Variants in ZNF805 observed in about 807,000 individuals in gnomAD.
ZNF805 encodes the protein zinc finger protein 805.
ZNF805 carries 7 observed loss-of-function variants against 13.6 expected under a neutral mutation model. The observed-to-expected ratio is 0.51, with a 90% CI of 0.29 to 0.97. The LOEUF (loss-of-function observed/expected upper bound fraction) is 0.97, where lower values mean the gene tolerates loss of function less well. Ranked by LOEUF, ZNF805 falls within the 50% of genes least tolerant of loss-of-function variation. ZNF805 has a pLI of 0.08. For missense variants in ZNF805, 604 were observed against 771.0 expected, an observed-to-expected ratio of 0.78 and a Z score of 2.57; for synonymous variants, 293 against 279.8, an observed-to-expected ratio of 1.05 and a Z score of -0.47.
At chr19:57,250,949 C>A (rs112437904) in intron 3 of ZNF805, among the ~76,000 whole-genome samples, 1 of 152,084 alleles carries the variant, frequency 6.6e-6, no homozygotes, top group Admixed American at 6.6e-5. Flanking sequence ...TTTCTGTACT[C>A]AACATAAAAA....
chr19:57,245,511 A>G (rs144301728), intron 2 of ZNF805, among the ~76,000 whole-genome samples: 1,604 of 152,204 alleles, frequency 0.011, 28 homozygotes, highest in African/African-American at 0.035. Context: ...CAGGTGCGAT[A>G]GCTCATGCCT....
In ZNF805 at chr19:57,261,793, C is replaced by G. The variant is rs991762648; in HGVS notation, c.*7090C>G. On this transcript the variant is annotated 3_prime_UTR_variant, in exon 4 of 4. Coordinates refer to ENST00000414468, the MANE Select transcript of ZNF805 (RefSeq NM_001023563.4). ...TCACAGGACTCAGCATTTTGTCATA[C>G]TCAATGGCTATGATTTACCACACCG... The G allele has an allele frequency of 6.0e-6, 1 of 167,036 alleles. No homozygotes were observed. The highest frequency in any genetic ancestry group is 2.4e-5 in the African/African-American group (1 of 41,448). 10.3% of individuals were successfully genotyped at this position (167,036 alleles called of 1,614,324 possible).
intron 1 of ZNF805, among the ~76,000 whole-genome samples, chr19:57,243,223 A>G (rs1003403046): frequency 6.6e-6 from 1 of 152,162 alleles, no homozygotes; most frequent in African/African-American, 2.4e-5. Context: ...CTCTGAAACA[A>G]ACAAACAGAA....
rs897184018 is a variant in ZNF805, at chr19:57,262,175, A to G, written c.*7472A>G. 1 of 167,078 alleles carries G rather than the reference A, an allele frequency of 6.0e-6. No individual in the cohort carries two copies. Among genetic ancestry groups the G allele is most frequent in the African/African-American group, 2.4e-5 (1 of 41,454 alleles). The allele number at this position is 167,078 out of a possible 1,614,324, so 10.3% of individuals were successfully genotyped here. Reference sequence around the variant, plus strand: ...AGCCAAGGATGAACCTTGCAAGATCAAAGAATAGCAGTCTCTGGCCTGCTC... The same window carrying G: ...AGCCAAGGATGAACCTTGCAAGATCGAAGAATAGCAGTCTCTGGCCTGCTC... On this transcript the variant is annotated 3_prime_UTR_variant, in exon 4 of 4. Coordinates refer to ENST00000414468, the MANE Select transcript of ZNF805 (RefSeq NM_001023563.4).
Position 57,253,343 on chromosome 19 carries a change from G to A in ZNF805, c.524G>A (p.Arg175Gln), listed in dbSNP as rs762501253. The A allele has an allele frequency of 7.6e-6, 12 of 1,571,486 alleles. No homozygotes were observed. The highest frequency in any genetic ancestry group is 5.6e-5 in the Admixed American group (3 of 53,502). ...DSVCSRIIQD[R>Q]VSLGDDVHDC... ...GTGTGTTCAAGGATTATACAGGATCGAGTCTCCTTAGGAGATGATGTCCAT... is the reference window on the plus strand; with the variant it reads ...GTGTGTTCAAGGATTATACAGGATCAAGTCTCCTTAGGAGATGATGTCCAT... Residue 175 changes from arginine (R) to glutamine (Q), a missense_variant, in exon 4 of 4, where the codon CGA becomes CAA. By Grantham distance (43) the Arg-to-Gln change is conservative (BLOSUM62 1). Transcript: ENST00000414468. The surrounding 1 kb of genome is among the most constrained non-coding windows in gnomAD (Gnocchi z 4.4).
At chr19:57,243,719 G>A (rs189078064) in intron 1 of ZNF805, among the ~76,000 whole-genome samples, 1 of 152,116 alleles carries the variant, frequency 6.6e-6, no homozygotes, top group African/African-American at 2.4e-5. Context: ...GTTATTCTTT[G>A]ATGGCTCCTA....
rs539047787 is a variant in ZNF805 at position 57,254,328 on chromosome 19, G to C, written c.1509G>C (p.Arg503=). The change falls in exon 4 of 4, where the codon CGG becomes CGC. Residue 503 remains arginine (R), a synonymous_variant. Coordinates refer to ENST00000414468, the MANE Select transcript of ZNF805 (RefSeq NM_001023563.4). Reference sequence around the variant, plus strand: ...GGTCAGGCCTCACAAGGCACCAGCGGATTCATAGTGGAGAGAAGCCCTATG... The same window carrying C: ...GGTCAGGCCTCACAAGGCACCAGCGCATTCATAGTGGAGAGAAGCCCTATG... ...NRRSGLTRHQ[R]IHSGEKPYEC... is the part of the protein sequence containing the mutation. 6.2e-6 allele frequency: 10 copies of C among 1,614,088 alleles called. No individual in the cohort carries two copies. In the East Asian group the frequency reaches 2.2e-4, roughly 36 times the overall value.
rs2087677238 is a variant in ZNF805 at position 57,254,777 on chromosome 19, A to G, written c.*74A>G. Reference sequence around the variant, plus strand: ...AGAAAATCACGCAGCTTAGAGCCTTATTCTCCATCCGAATTCATCCTGGAA... The same window carrying G: ...AGAAAATCACGCAGCTTAGAGCCTTGTTCTCCATCCGAATTCATCCTGGAA... On this transcript the variant is annotated 3_prime_UTR_variant, in exon 4 of 4. Coordinates refer to ENST00000414468, the MANE Select transcript of ZNF805 (RefSeq NM_001023563.4). 6.2e-6 allele frequency: 9 copies of G among 1,444,154 alleles called. No individual in the cohort carries two copies. The highest frequency in any genetic ancestry group is 8.4e-6 in the Non-Finnish European group (9 of 1,073,636). 89.5% of individuals were successfully genotyped at this position (1,444,154 alleles called of 1,614,324 possible).
chr19:57,260,091 G>A lies in ZNF805; in HGVS notation c.*5388G>A, dbSNP rs1336403509. ...TATGTAAAATCCTCCAGCTCTGTAA[G>A]CCTTGTTATATCCTCAATGGAGAAG... On this transcript the variant is annotated 3_prime_UTR_variant, in exon 4 of 4. Coordinates refer to ENST00000414468, the MANE Select transcript of ZNF805 (RefSeq NM_001023563.4). 6.6e-6 allele frequency among the ~76,000 whole-genome samples: 1 copy of A among 152,194 alleles called. No homozygotes were observed. Among genetic ancestry groups the A allele is most frequent in the Non-Finnish European group, 1.5e-5 (1 of 68,038 alleles).
At position 57,254,647 on chromosome 19, in the gene ZNF805, T is replaced by TA. The variant is rs765571546; in HGVS notation, c.1829dup (p.Tyr610Ter). The change falls in exon 4 of 4, where the codon TAC becomes TAAC. Residue 610 changes from tyrosine (Y) to a stop codon, truncating the protein, a stop_gained and frameshift_variant. Transcript: ENST00000414468. LOFTEE classifies it low-confidence loss of function (END_TRUNC). ...AAATCTTTTGCAAGAGGAAGCATCTTACATGGCATCTGATCGTACATACCA... is the reference window on the plus strand; with the variant it reads ...AAATCTTTTGCAAGAGGAAGCATCTTAACATGGCATCTGATCGTACATACCA... The part of the protein sequence containing the change: ...EENLLQEEAS[Y>*]MASDRTYQRE... 6.2e-7 allele frequency: 1 copy of TA among 1,614,166 alleles called. No individual in the cohort carries two copies.
chr19:57,254,523 T>C lies in ZNF805; in HGVS notation c.1704T>C (p.Ser568=). ...QRMHTGRNPI[S]VTDVGRPFTS... ...TGCATACTGGGAGAAATCCTATCAG[T>C]GTAACAGATGTGGGAAGACCTTTTA... Residue 568 remains serine, a synonymous_variant, in exon 4 of 4, where the codon AGT becomes AGC. Coordinates refer to ENST00000414468, the MANE Select transcript of ZNF805 (RefSeq NM_001023563.4). 1 of 1,614,232 alleles carries C rather than the reference T, an allele frequency of 6.2e-7. No homozygotes were observed. The highest frequency in any genetic ancestry group is 8.5e-7 in the Non-Finnish European group (1 of 1,180,038).
chr19:57,248,784 G>GCC, intron 3 of ZNF805, 84 bp downstream of exon 3: 1 of 1,245,302 alleles, frequency 8.0e-7, no homozygotes, highest in South Asian at 1.3e-5. Context: ...CTCTTGGGAA[G>GCC]CTTCTCACTG....
intron 2 of ZNF805, among the ~76,000 whole-genome samples, chr19:57,245,557 A>G (rs547779219): frequency 6.6e-6 from 1 of 151,026 alleles, no homozygotes; most frequent in South Asian, 2.1e-4. Flanking sequence ...AGATGGGCGG[A>G]TCACAAGGTC....
chr19:57,240,817 T>G lies in ZNF805; in HGVS notation c.-75T>G. The G allele has an allele frequency of 7.0e-7, 1 of 1,423,776 alleles. No homozygotes were observed. 88.2% of individuals were successfully genotyped at this position (1,423,776 alleles called of 1,614,324 possible). ...CACCGGGCCCGGCGCAGGGAAGGGGTGGGGCTCGGCTGAGCCCGCGAGACC... is the reference window on the plus strand; with the variant it reads ...CACCGGGCCCGGCGCAGGGAAGGGGGGGGGCTCGGCTGAGCCCGCGAGACC... On this transcript the variant is annotated 5_prime_UTR_variant, in exon 1 of 4. Coordinates refer to ENST00000414468, the MANE Select transcript of ZNF805 (RefSeq NM_001023563.4).
rs771734837 is a variant in ZNF805, at chr19:57,261,638, T to C, written c.*6935T>C. 1.3e-4 allele frequency: 22 copies of C among 167,068 alleles called. 1 individual carries two copies. The highest frequency in any genetic ancestry group is 2.2e-4 in the Non-Finnish European group (15 of 68,116). The allele number at this position is 167,068 out of a possible 1,614,324, so 10.3% of individuals were successfully genotyped here. ...AGCTGTGCATATAGGTGGCACCATA[T>C]ATGGCGTACCTTGACCTCGAAGAGA... On this transcript the variant is annotated 3_prime_UTR_variant, in exon 4 of 4. Transcript: ENST00000414468.
Position 57,244,017 on chromosome 19 carries a change from T to A in ZNF805, c.125T>A (p.Met42Lys). The A allele has an allele frequency of 6.2e-7, 1 of 1,613,992 alleles. No individual in the cohort carries two copies. The highest frequency in any genetic ancestry group is 8.5e-7 in the Non-Finnish European group (1 of 1,179,972). Residue 42 changes from methionine to lysine, a missense_variant, in exon 2 of 4, where the codon ATG (methionine) becomes AAG (lysine). Met to Lys is a moderately conservative substitution (Grantham distance 95). Coordinates refer to ENST00000414468, the MANE Select transcript of ZNF805 (RefSeq NM_001023563.4). Reference protein sequence around the residue: ...LAQRTLYQEVMLENCGLLVSL... With the variant: ...LAQRTLYQEVKLENCGLLVSL... ...CAGCGGACCCTGTACCAGGAGGTGATGCTGGAAAACTGTGGGCTCCTGGTA... is the reference window on the plus strand; with the variant it reads ...CAGCGGACCCTGTACCAGGAGGTGAAGCTGGAAAACTGTGGGCTCCTGGTA...
rs2087680557 is a variant in ZNF805, at chr19:57,255,198, A to C, written c.*495A>C. On this transcript the variant is annotated 3_prime_UTR_variant, in exon 4 of 4. Coordinates refer to ENST00000414468, the MANE Select transcript of ZNF805 (RefSeq NM_001023563.4). The stretch of plus-strand genomic sequence containing the variant: ...GATTTTTTAAAAAAATTCTTTTTTA[A>C]TGGGTTTTAAACACTAACACTGAGA... 6.0e-6 allele frequency: 1 copy of C among 167,474 alleles called. No homozygotes were observed. The highest frequency in any genetic ancestry group is 2.4e-5 in the African/African-American group (1 of 41,454). The allele number at this position is 167,474 out of a possible 1,614,324, so 10.4% of individuals were successfully genotyped here.
chr19:57,240,683 C>A lies in ZNF805; in HGVS notation c.-209C>A. On this transcript the variant is annotated 5_prime_UTR_variant, in exon 1 of 4. Coordinates refer to ENST00000414468, the MANE Select transcript of ZNF805 (RefSeq NM_001023563.4). ...GGGGGCGGTGTTCCGTGGCCGCCTCCCTGGCGGCGCTGGGGAAATGAGCAG... is the reference window on the plus strand; with the variant it reads ...GGGGGCGGTGTTCCGTGGCCGCCTCACTGGCGGCGCTGGGGAAATGAGCAG... The A allele has an allele frequency of 1.9e-6, 1 of 524,946 alleles. No individual in the cohort carries two copies. The highest frequency in any genetic ancestry group is 3.4e-6 in the Non-Finnish European group (1 of 295,862). The allele number at this position is 524,946 out of a possible 1,614,324, so 32.5% of individuals were successfully genotyped here. A position where few individuals can be genotyped will look rare whatever the true frequency, so the allele number is the denominator to read the frequency against.
Position 57,255,181 on chromosome 19 carries a change from A to T in ZNF805, c.*478A>T, listed in dbSNP as rs186659187. On this transcript the variant is annotated 3_prime_UTR_variant, in exon 4 of 4. Transcript: ENST00000414468. ...ATACTGTTTAGGTCTTTGATTTTTT[A>T]AAAAAATTCTTTTTTAATGGGTTTT... is the stretch of plus-strand genomic sequence containing the variant. 3,455 of 167,524 alleles carry T rather than the reference A, an allele frequency of 0.021. 49 individuals carry two copies. Among genetic ancestry groups the T allele is most frequent in the Non-Finnish European group, 0.028 (1,901 of 68,456 alleles). 10.4% of individuals were successfully genotyped at this position (167,524 alleles called of 1,614,324 possible).
Sources: gnomAD v4.1 joint callset for allele counts (sites outside exome capture counted in the v4.1 genomes callset) on GRCh38, gnomAD v4.1.1 for gene constraint, Gnocchi (gnomAD v3.1) non-coding constraint, MANE v1.5 for transcripts, NCBI Gene and HGNC (gene_info 2026-07-23, HGNC 2026-07-21) for gene names.